Variants in GRIN2B observed in about 807,000 individuals in gnomAD.
The protein encoded by GRIN2B is glutamate ionotropic receptor NMDA type subunit 2B, also known as glutamate receptor ionotropic, NMDA 2B.
A neutral mutation model predicts 114.5 loss-of-function variants in GRIN2B; 5 were observed. The observed-to-expected ratio is 0.04, with a 90% confidence interval of 0.02 to 0.09. The LOEUF (loss-of-function observed/expected upper bound fraction) is 0.09. GRIN2B is among the 10% of genes least tolerant of loss of function. The pLI is 1.00. For synonymous variants in GRIN2B, 787 were observed against 745.1 expected (o/e 1.06, Z -0.92); for missense variants, 1,108 against 1,943.5 (o/e 0.57, Z 8.08).
chr12:13,769,040 T>TAAATA (rs939177335), intron 3 of GRIN2B, among the ~76,000 whole-genome samples: 17 of 152,106 alleles, frequency 1.1e-4, no homozygotes, highest in South Asian at 6.2e-4. Flanking sequence ...TCTCAAAAAA[T>TAAATA]AAATAAAATA....
At chr12:13,605,690 A>C (rs747558927) in intron 10 of GRIN2B, among the ~76,000 whole-genome samples, 6 of 152,140 alleles carry the variant, frequency 3.9e-5, no homozygotes. Context: ...TAAGAAGCCT[A>C]GAAATGGTAC....
In GRIN2B at chr12:13,554,775, T is replaced by C. The variant is rs1948458201; in HGVS notation, c.*8008A>G. Reference sequence around the variant, plus strand: ...AGACTGGAAACCTTAGGGGGAAGAATTAGTAGGCTTTTCAAATTTTTAGAT... The same window carrying C: ...AGACTGGAAACCTTAGGGGGAAGAACTAGTAGGCTTTTCAAATTTTTAGAT... On this transcript the variant is annotated 3_prime_UTR_variant, in exon 14 of 14. Transcript: ENST00000609686. The C allele has an allele frequency of 6.6e-6, 1 of 152,032 alleles. No homozygotes were observed. Among genetic ancestry groups the C allele is most frequent in the African/African-American group, 2.4e-5 (1 of 41,388 alleles). The allele number at this position is 152,032 out of a possible 1,614,324, so 9.4% of individuals were successfully genotyped here. A position where few individuals can be genotyped will look rare whatever the true frequency, so the allele number is the denominator to read the frequency against.
chr12:13,919,028 A>C (rs1396568774), intron 2 of GRIN2B, among the ~76,000 whole-genome samples: 1 of 152,362 alleles, frequency 6.6e-6, no homozygotes, highest in East Asian at 1.9e-4. Context: ...CCAGCTAAGA[A>C]TAGAGATTCA....
chr12:13,737,162 C>T (rs958947811), intron 4 of GRIN2B, among the ~76,000 whole-genome samples: 17 of 151,944 alleles, frequency 1.1e-4, no homozygotes, highest in Admixed American at 1.0e-3. Context: ...TAGTTCTTCC[C>T]TCATATTACA....
intron 3 of GRIN2B, among the ~76,000 whole-genome samples, chr12:13,801,203 G>A (rs1240639881): frequency 1.3e-5 from 2 of 152,110 alleles, no homozygotes; most frequent in African/African-American, 4.8e-5. Flanking sequence ...GACAGTACGT[G>A]ATCATTAAGC....
intron 2 of GRIN2B, among the ~76,000 whole-genome samples, chr12:13,906,304 A>G (rs529734803): frequency 1.3e-5 from 2 of 152,330 alleles, no homozygotes; most frequent in Non-Finnish European, 2.9e-5. Context: ...ACAGGTAGTC[A>G]GGACCTAACC....
At chr12:13,888,680 G>A (rs1049182835) in intron 2 of GRIN2B, among the ~76,000 whole-genome samples, 1 of 151,422 alleles carries the variant, frequency 6.6e-6, no homozygotes, top group African/African-American at 2.4e-5. Context: ...GTTGTAGAGA[G>A]CCGAGATCGC....
chr12:13,676,915 A>G (rs1950080142), intron 4 of GRIN2B, among the ~76,000 whole-genome samples: 4 of 152,146 alleles, frequency 2.6e-5, no homozygotes, highest in Non-Finnish European at 1.5e-5. Context: ...TTACTTGTGC[A>G]TAGATTAGCA....
At chr12:13,863,456 A>G (rs1865779399) in intron 3 of GRIN2B, among the ~76,000 whole-genome samples, 1 of 152,208 alleles carries the variant, frequency 6.6e-6, no homozygotes, top group Non-Finnish European at 1.5e-5. Context: ...TGAAGCTAGC[A>G]ACCAATGTTA....
intron 4 of GRIN2B, among the ~76,000 whole-genome samples, chr12:13,721,877 A>G (rs1307943965): frequency 6.6e-6 from 1 of 152,182 alleles, no homozygotes; most frequent in Non-Finnish European, 1.5e-5. Flanking sequence ...GGTGGGTAGA[A>G]AAGAACAGAG....
intron 4 of GRIN2B, among the ~76,000 whole-genome samples, chr12:13,687,884 G>A (rs974573167): frequency 1.3e-5 from 2 of 152,118 alleles, no homozygotes; most frequent in Non-Finnish European, 2.9e-5. Context: ...TCTCCACAAG[G>A]TAAATGAATC....
chr12:13,691,125 C>T (rs1432891272), intron 4 of GRIN2B, among the ~76,000 whole-genome samples: 2 of 151,676 alleles, frequency 1.3e-5, no homozygotes, highest in African/African-American at 4.9e-5. Context: ...AAATCCCATT[C>T]TCACTCCTTC....
At chr12:13,578,804 T>G (rs931008524) in intron 10 of GRIN2B, among the ~76,000 whole-genome samples, 4 of 152,180 alleles carry the variant, frequency 2.6e-5, no homozygotes, top group Admixed American at 6.5e-5. Context: ...AAGTTTAGAC[T>G]GGCTGTCCTG....
At chr12:13,659,520 G>A (rs2053098836) in intron 5 of GRIN2B, among the ~76,000 whole-genome samples, 1 of 152,000 alleles carries the variant, frequency 6.6e-6, no homozygotes, top group South Asian at 2.1e-4. Flanking sequence ...GCTTCCGATT[G>A]CTTCTTGAGT....
chr12:13,891,603 G>A (rs755372919), intron 2 of GRIN2B, among the ~76,000 whole-genome samples: 2 of 140,412 alleles, frequency 1.4e-5, no homozygotes, highest in African/African-American at 2.6e-5. Context: ...TACAAATGTG[G>A]CCACACAACC....
chr12:13,716,311 G>A (rs1017308746), intron 4 of GRIN2B, among the ~76,000 whole-genome samples: 7 of 150,540 alleles, frequency 4.6e-5, no homozygotes, highest in Non-Finnish European at 7.4e-5. Flanking sequence ...GTGTAGGGAG[G>A]TGAAGTCAGA....
intron 5 of GRIN2B, among the ~76,000 whole-genome samples, chr12:13,652,530 T>C (rs975048774): frequency 1.5e-4 from 23 of 151,922 alleles, no homozygotes; most frequent in Non-Finnish European, 2.9e-4. Flanking sequence ...GCGGAAACCA[T>C]GTGCAGTGCA....
intron 4 of GRIN2B, among the ~76,000 whole-genome samples, chr12:13,710,254 A>G (rs1277022485): frequency 1.4e-4 from 22 of 152,118 alleles, no homozygotes; most frequent in Admixed American, 1.4e-3. Flanking sequence ...TATCTATGAC[A>G]AACCCACAGC....
At chr12:13,784,303 G>C (rs1864183489) in intron 3 of GRIN2B, among the ~76,000 whole-genome samples, 1 of 147,744 alleles carries the variant, frequency 6.8e-6, no homozygotes, top group South Asian at 2.1e-4. Flanking sequence ...CTGTCTCCCT[G>C]CTAAATAGGA....
Sources: gnomAD v4.1 joint callset for allele counts (sites outside exome capture counted in the v4.1 genomes callset) on GRCh38, gnomAD v4.1.1 for gene constraint, MANE v1.5 for transcripts, NCBI Gene and HGNC (gene_info 2026-07-23, HGNC 2026-07-21) for gene names.